DNAH11: variants seen among roughly 807,000 people sequenced by gnomAD.
DNAH11 encodes the protein dynein axonemal heavy chain 11.
Under a neutral mutation model 526.0 loss-of-function variants are expected in DNAH11, and 442 were observed. The ratio of observed to expected loss-of-function variants is 0.84; its 90% CI spans 0.78 to 0.91. The LOEUF (loss-of-function observed/expected upper bound fraction) is 0.91. Among genes scored for constraint, DNAH11 ranks in the 40% least tolerant of loss-of-function variants. DNAH11 has a pLI of 0.00. For missense variants in DNAH11, 6,989 were observed against 5,448.7 expected, an observed-to-expected ratio of 1.28 and a Z score of -8.90; for synonymous variants, 2,461 against 1,935.9, an observed-to-expected ratio of 1.27 and a Z score of -7.12.
chr7:21,801,388 A>G, intron 62 of DNAH11, 113 bp downstream of exon 62: 8 of 1,359,694 alleles, frequency 5.9e-6, no homozygotes, highest in Non-Finnish European at 8.0e-6. Context: ...AACAAAGGAT[A>G]ATATTTGATA....
Position 21,744,557 on chromosome 7 carries a change from G to A in DNAH11, c.8274G>A (p.Leu2758=). Residue 2758 remains leucine (L), a synonymous_variant, in exon 50 of 82, where the codon TTG becomes TTA. Coordinates refer to ENST00000409508, the MANE Select transcript of DNAH11 (RefSeq NM_001277115.2). ...DKLIDKKDCD[L]FQRRMLETAY... is the part of the protein sequence containing the mutation. The stretch of plus-strand genomic sequence containing the variant: ...TGATAGACAAAAAAGATTGTGATTT[G>A]TTTCAGAGAAGAATGCTGGAAACTG... 6.2e-7 allele frequency: 1 copy of A among 1,613,398 alleles called. No individual in the cohort carries two copies. The highest frequency in any genetic ancestry group is 1.1e-5 in the South Asian group (1 of 90,820).
At chr7:21,779,947 T>G (rs970809799) in intron 57 of DNAH11, among the ~76,000 whole-genome samples, 9 of 152,322 alleles carry the variant, frequency 5.9e-5, no homozygotes, top group African/African-American at 2.2e-4. Flanking sequence ...TATGCCATTT[T>G]TCTTGTATTT....
At position 21,543,133 on chromosome 7, in the gene DNAH11, C is replaced by G; in HGVS notation, c.-113C>G. 3.5e-6 allele frequency: 5 copies of G among 1,433,432 alleles called. No homozygotes were observed. Among genetic ancestry groups the G allele is most frequent in the Non-Finnish European group, 4.5e-6 (5 of 1,100,946 alleles). The allele number at this position is 1,433,432 out of a possible 1,614,324, so 88.8% of individuals were successfully genotyped here. ...GGTGGGAGACTAGGGTCTGCGCTCG[C>G]GGCGACCGCGGAGGAGGGTGGGCGC... On this transcript the variant is annotated 5_prime_UTR_variant, in exon 1 of 82. Transcript: ENST00000409508.
At chr7:21,837,934 C>T (rs1051207920) in intron 65 of DNAH11, among the ~76,000 whole-genome samples, 38 of 152,106 alleles carry the variant, frequency 2.5e-4, no homozygotes, top group African/African-American at 9.2e-4. Context: ...TGAAACATCT[C>T]ATGGGGCCCC....
chr7:21,657,594 T>G (rs1220876566), intron 29 of DNAH11, among the ~76,000 whole-genome samples: 1 of 152,140 alleles, frequency 6.6e-6, no homozygotes, highest in Non-Finnish European at 1.5e-5. Flanking sequence ...GATCCCAGGG[T>G]ATCCAGGAGA....
intron 29 of DNAH11, among the ~76,000 whole-genome samples, chr7:21,656,785 T>C (rs1231115995): frequency 1.3e-5 from 2 of 152,230 alleles, no homozygotes; most frequent in Non-Finnish European, 1.5e-5. Flanking sequence ...TCTTTACTCC[T>C]TTCTGTTGCT....
At chr7:21,744,169 A>G (rs562914950) in intron 49 of DNAH11, among the ~76,000 whole-genome samples, 23 of 152,354 alleles carry the variant, frequency 1.5e-4, no homozygotes, top group African/African-American at 5.0e-4. Context: ...AATAGGCTCA[A>G]GTACTCAGAT....
intron 35 of DNAH11, among the ~76,000 whole-genome samples, chr7:21,697,868 C>T (rs1783915973): frequency 6.6e-6 from 1 of 152,144 alleles, no homozygotes; most frequent in Admixed American, 6.5e-5. Flanking sequence ...TTCTGCCATT[C>T]CAGACTTTCT....
chr7:21,868,907 T>C lies in DNAH11; in HGVS notation c.11883T>C (p.Asn3961=), dbSNP rs1458288272. Residue 3961 remains asparagine (N), a synonymous_variant, in exon 73 of 82, where the codon AAT becomes AAC. Transcript: ENST00000409508. ...GFTIDSGKFH[N]VSLGQGQETV... ...CAATTGACTCTGGAAAATTCCACAA[T>C]GTGTCTTTAGGACAAGGTCAGGAGA... 3 of 1,613,900 alleles carry C rather than the reference T, an allele frequency of 1.9e-6. No homozygotes were observed. Among genetic ancestry groups the C allele is most frequent in the Non-Finnish European group, 1.7e-6 (2 of 1,179,896 alleles).
chr7:21,856,628 T>G (rs1782860108), intron 68 of DNAH11, among the ~76,000 whole-genome samples: 1 of 152,086 alleles, frequency 6.6e-6, no homozygotes, highest in Non-Finnish European at 1.5e-5. Context: ...AAAAGCACAA[T>G]GTATCATGAC....
intron 32 of DNAH11, among the ~76,000 whole-genome samples, chr7:21,686,795 T>A (rs1395883460): frequency 2.6e-5 from 4 of 152,164 alleles, no homozygotes; most frequent in African/African-American, 9.7e-5. Flanking sequence ...CCTAGAAATA[T>A]CAGAAATTTA....
chr7:21,633,803 G>C (rs906777858), intron 25 of DNAH11, among the ~76,000 whole-genome samples: 1 of 152,188 alleles, frequency 6.6e-6, no homozygotes, highest in South Asian at 2.1e-4. Flanking sequence ...GAGACTTGAA[G>C]GGTAGTCTAT....
At chr7:21,886,927 C>T (rs944321137) in intron 76 of DNAH11, among the ~76,000 whole-genome samples, 7 of 152,150 alleles carry the variant, frequency 4.6e-5, no homozygotes, top group Non-Finnish European at 8.8e-5. Context: ...CCTCAACTCA[C>T]CAAAGGAAAT....
rs1475391193 is a variant in DNAH11, at chr7:21,745,017, A to C, written c.8464A>C (p.Asn2822His). 6.2e-7 allele frequency: 1 copy of C among 1,610,150 alleles called. No individual in the cohort carries two copies. Among genetic ancestry groups the C allele is most frequent in the Non-Finnish European group, 8.5e-7 (1 of 1,178,254 alleles). Residue 2822 changes from asparagine (N) to histidine (H), a missense_variant, in exon 51 of 82, where the codon AAT (asparagine) becomes CAT (histidine). By Grantham distance (68) the Asn-to-His change is moderately conservative. Coordinates refer to ENST00000409508, the MANE Select transcript of DNAH11 (RefSeq NM_001277115.2). ...AACGTTAGACAACTACAATGAACTA[A>C]ATGCTGCCATGCACCTAGTTTTGTT... is the stretch of plus-strand genomic sequence containing the variant. ...TETLDNYNEL[N>H]AAMHLVLFED...
chr7:21,655,878 A>C lies in DNAH11; in HGVS notation c.4991A>C (p.Gln1664Pro), dbSNP rs560927691. 1 of 1,613,408 alleles carries C rather than the reference A, an allele frequency of 6.2e-7. No homozygotes were observed. The highest frequency in any genetic ancestry group is 2.2e-5 in the East Asian group (1 of 44,860). ...CTTTTCGACAGCATTGCAGATCTGCAGTTTGAAGACAATCAGGATGTTTCT... is the reference window on the plus strand; with the variant it reads ...CTTTTCGACAGCATTGCAGATCTGCCGTTTGAAGACAATCAGGATGTTTCT... The part of the protein sequence containing the change: ...AKLFDSIADL[Q>P]FEDNQDVSAH... Residue 1664 changes from glutamine to proline, a missense_variant, in exon 29 of 82, where the codon CAG becomes CCG. Coordinates refer to ENST00000409508, the MANE Select transcript of DNAH11 (RefSeq NM_001277115.2).
chr7:21,554,479 G>A (rs574540487), intron 2 of DNAH11, among the ~76,000 whole-genome samples: 4 of 151,948 alleles, frequency 2.6e-5, no homozygotes, highest in Admixed American at 2.6e-4. Flanking sequence ...TGGCCCCTTG[G>A]GATCATTATT....
intron 75 of DNAH11, among the ~76,000 whole-genome samples, chr7:21,883,115 G>T (rs1287414828): frequency 1.3e-5 from 2 of 152,156 alleles, no homozygotes; most frequent in East Asian, 3.8e-4. Flanking sequence ...CATATTTGAG[G>T]TTCATTTATT....
chr7:21,865,392 G>T (rs977256043), intron 70 of DNAH11, among the ~76,000 whole-genome samples: 9 of 152,168 alleles, frequency 5.9e-5, no homozygotes, highest in African/African-American at 2.2e-4. Context: ...ATGTGTATCA[G>T]TCAGGGTCTT....
At position 21,866,619 on chromosome 7, in the gene DNAH11, T is replaced by G; in HGVS notation, c.11646T>G (p.Ile3882Met). The change falls in exon 71 of 82, where the codon ATT (isoleucine) becomes ATG (methionine). Residue 3882 changes from isoleucine (I) to methionine (M), a missense_variant. Transcript: ENST00000409508. ...WKKKSLIQKL[I>M]LLRAMRPDRM... Reference sequence around the variant, plus strand: ...AGAAAAGTTTAATACAGAAGCTGATTCTTCTGAGAGCAATGCGCCCTGACA... The same window carrying G: ...AGAAAAGTTTAATACAGAAGCTGATGCTTCTGAGAGCAATGCGCCCTGACA... The G allele has an allele frequency of 6.2e-7, 1 of 1,613,870 alleles. No individual in the cohort carries two copies. The highest frequency in any genetic ancestry group is 8.5e-7 in the Non-Finnish European group (1 of 1,179,818).
Sources: allele counts gnomAD v4.1 joint callset (sites outside exome capture counted in the v4.1 genomes callset), GRCh38; gene constraint gnomAD v4.1.1; transcripts MANE v1.5; gene names NCBI Gene and HGNC (gene_info 2026-07-23, HGNC 2026-07-21).